Variants in PRR14L observed in about 807,000 individuals in gnomAD.
The protein encoded by PRR14L is protein PRR14L.
PRR14L carries 80 observed loss-of-function variants against 155.0 expected under a neutral mutation model. The observed-to-expected ratio is 0.52, with a 90% CI of 0.43 to 0.62. PRR14L has a LOEUF of 0.62. Among genes scored for constraint, PRR14L ranks in the 20% least tolerant of loss-of-function variants. PRR14L has a pLI of 0.00. For synonymous variants in PRR14L, 883 were observed against 916.0 expected (o/e 0.96, Z 0.65); for missense variants, 2,469 against 2,548.0 (o/e 0.97, Z 0.67).
chr22:31,694,751 C>CAACAAA (rs988016380), intron 7 of PRR14L, among the ~76,000 whole-genome samples: 1 of 128,886 alleles, frequency 7.8e-6, no homozygotes, highest in Non-Finnish European at 1.7e-5. Flanking sequence ...GACTCCGTCT[C>CAACAAA]AACAAAAACA....
At chr22:31,743,481 T>C (rs890537447) in intron 1 of PRR14L, among the ~76,000 whole-genome samples, 7 of 152,106 alleles carry the variant, frequency 4.6e-5, no homozygotes, top group African/African-American at 1.7e-4. Flanking sequence ...GCATATGAAT[T>C]AAATCTTAAA....
chr22:31,700,135 T>C (rs1192871930), intron 7 of PRR14L, among the ~76,000 whole-genome samples: 3 of 152,174 alleles, frequency 2.0e-5, no homozygotes. Flanking sequence ...CAATCTTTTG[T>C]TTTCCTTAAA....
In PRR14L at chr22:31,715,215, T is replaced by A; in HGVS notation, c.2624A>T (p.Lys875Ile). The A allele has an allele frequency of 6.4e-7, 1 of 1,552,316 alleles. No individual in the cohort carries two copies. Among genetic ancestry groups the A allele is most frequent in the African/African-American group, 1.4e-5 (1 of 73,172 alleles). Residue 875 changes from lysine to isoleucine, a missense_variant, in exon 4 of 9, where the codon AAA becomes ATA. Around this residue, in one of 2 missense-constraint regions of PRR14L, gnomAD observed 2,363 missense variants for 2,371.6 expected, o/e 1.00. Coordinates refer to ENST00000327423, the MANE Select transcript of PRR14L (RefSeq NM_173566.3). ...GSLPGDKIRNKMVAGLLNSGI... is the reference protein window; with the variant it reads ...GSLPGDKIRNIMVAGLLNSGI... Reference sequence around the variant, plus strand: ...ACTATTTAACAAGCCTGCTACCATTTTGTTTCTGATCTTATCTCCTGGAAG... The same window carrying A: ...ACTATTTAACAAGCCTGCTACCATTATGTTTCTGATCTTATCTCCTGGAAG...
chr22:31,720,016 G>GAAC, intron 3 of PRR14L, among the ~76,000 whole-genome samples: 1 of 152,184 alleles, frequency 6.6e-6, no homozygotes, highest in Non-Finnish European at 1.5e-5. Flanking sequence ...GATTATGGGT[G>GAAC]TGACTCACTG....
intron 7 of PRR14L, among the ~76,000 whole-genome samples, chr22:31,694,423 A>C (rs982757741): frequency 6.6e-6 from 1 of 152,116 alleles, no homozygotes; most frequent in Non-Finnish European, 1.5e-5. Context: ...GGAGTTCAAG[A>C]CCAGCCTGAC....
chr22:31,687,313 G>A (rs2031407869), intron 8 of PRR14L, among the ~76,000 whole-genome samples: 2 of 150,766 alleles, frequency 1.3e-5, no homozygotes, highest in African/African-American at 2.4e-5. Flanking sequence ...TTGAATTACA[G>A]GTGTCAGCCA....
At chr22:31,708,695 T>C (rs897294506) in intron 4 of PRR14L, among the ~76,000 whole-genome samples, 5 of 152,140 alleles carry the variant, frequency 3.3e-5, no homozygotes, top group East Asian at 1.9e-4. Context: ...GGCTGGAATA[T>C]AGTGGCACGA....
chr22:31,733,830 A>C (rs1197924335), intron 2 of PRR14L, among the ~76,000 whole-genome samples: 1 of 152,066 alleles, frequency 6.6e-6, no homozygotes, highest in African/African-American at 2.4e-5. Context: ...AAGGGAAAAA[A>C]GTGGTATCTC....
intron 7 of PRR14L, among the ~76,000 whole-genome samples, chr22:31,691,571 G>A (rs1181624877): frequency 1.3e-5 from 2 of 152,096 alleles, no homozygotes; most frequent in African/African-American, 4.8e-5. Flanking sequence ...GCAGTCACCT[G>A]GACTCTCCCC....
rs1248493439 is a variant in PRR14L at position 31,712,366 on chromosome 22, C to T, written c.5473G>A (p.Ala1825Thr). The T allele has an allele frequency of 1.2e-6, 2 of 1,612,840 alleles. No homozygotes were observed. The highest frequency in any genetic ancestry group is 2.2e-5 in the South Asian group (2 of 91,004). ...CSVLGLHTLLALCSPGCYRIW... is the reference protein window; with the variant it reads ...CSVLGLHTLLTLCSPGCYRIW... ...CGGTAACATCCTGGGGAACAAAGTG[C>T]TAGAAGTGTGTGAAGGCCAAGGACA... The change falls in exon 4 of 9, where the codon GCA becomes ACA. Residue 1825 changes from alanine to threonine, a missense_variant. This residue lies in a region of PRR14L where 2,363 missense variants were observed against 2,371.6 expected (regional missense o/e 1.00). Transcript: ENST00000327423.
In PRR14L at chr22:31,684,700, A is replaced by G. The variant is rs998128342; in HGVS notation, c.*827T>C. 1 of 152,224 alleles carries G rather than the reference A, an allele frequency of 6.6e-6. No homozygotes were observed. The highest frequency in any genetic ancestry group is 2.4e-5 in the African/African-American group (1 of 41,454). The allele number at this position is 152,224 out of a possible 1,614,324, so 9.4% of individuals were successfully genotyped here. On this transcript the variant is annotated 3_prime_UTR_variant, in exon 9 of 9. Transcript: ENST00000327423. The stretch of plus-strand genomic sequence containing the variant: ...AAATGTCTCTTCCATGCAGCGATCA[A>G]CTGGGTCAAATGCCTATCATGTATT...
At chr22:31,704,811 CAT>C (rs1376927301) in intron 4 of PRR14L, 85 bp from the exon 5 acceptor site, 4 of 940,568 alleles carry the variant, frequency 4.3e-6, no homozygotes, top group East Asian at 2.5e-5. Context: ...GGTATTAGCA[CAT>C]GATAGCCCCA....
At chr22:31,727,386 G>A (rs150035818) in intron 2 of PRR14L, among the ~76,000 whole-genome samples, 55 of 151,596 alleles carry the variant, frequency 3.6e-4, no homozygotes, top group East Asian at 1.2e-3. Context: ...GGTGCACGCC[G>A]CCACACCTGG....
At position 31,727,158 on chromosome 22, in the gene PRR14L, G is replaced by A. The variant is rs532719428; in HGVS notation, c.475-1548C>T. The stretch of plus-strand genomic sequence containing the variant: ...TGTGGCTCTAAGGTGCCGCTAGCTG[G>A]AGGCCCCAAAATACCCTGGTGGAGT... On this transcript the variant is annotated intron_variant, in intron 2 of 8. Transcript: ENST00000327423. Among the ~76,000 whole-genome samples the A allele has an allele frequency of 2.8e-4, 43 of 152,230 alleles. No homozygotes were observed. In the South Asian group the frequency reaches 8.7e-3, roughly 31 times the overall value.
intron 2 of PRR14L, among the ~76,000 whole-genome samples, chr22:31,728,020 T>C (rs1394588452): frequency 6.7e-6 from 1 of 148,198 alleles, no homozygotes; most frequent in Non-Finnish European, 1.5e-5. Context: ...CAATCGACAA[T>C]AAAAGAGTGT....
chr22:31,739,056 G>A (rs768412649), intron 1 of PRR14L, 145 bp from the exon 2 acceptor site: 6 of 536,950 alleles, frequency 1.1e-5, no homozygotes, highest in Non-Finnish European at 2.0e-5. Context: ...TCTCCTTAAT[G>A]AATTTGTAGA....
intron 7 of PRR14L, among the ~76,000 whole-genome samples, chr22:31,694,717 A>G (rs773117502): frequency 6.6e-6 from 1 of 151,534 alleles, no homozygotes; most frequent in Non-Finnish European, 1.5e-5. Context: ...GGGCCACTGC[A>G]CTCCAGCCTG....
chr22:31,701,056 C>T lies in PRR14L; in HGVS notation c.6107+600G>A, dbSNP rs565479226. Among the ~76,000 whole-genome samples the T allele has an allele frequency of 5.9e-5, 9 of 151,418 alleles. No individual in the cohort carries two copies. The South Asian group carries it at 1.3e-3, about 21-fold the overall frequency. ...AGGCTGGAGTGCAATGGTGCGATCT[C>T]GGCTCACCACAACCTCCACCTCCCA... On this transcript the variant is annotated intron_variant, in intron 7 of 8. Coordinates refer to ENST00000327423, the MANE Select transcript of PRR14L (RefSeq NM_173566.3).
At chr22:31,708,585 C>G (rs1322596827) in intron 4 of PRR14L, among the ~76,000 whole-genome samples, 7 of 151,952 alleles carry the variant, frequency 4.6e-5, no homozygotes, top group Non-Finnish European at 8.8e-5. Context: ...CCTTGGCCTC[C>G]CAAAGCGCTG....
Sources: allele counts gnomAD v4.1 joint callset (sites outside exome capture counted in the v4.1 genomes callset), GRCh38; gene constraint gnomAD v4.1.1; regional missense constraint gnomAD v4.1.1; transcripts MANE v1.5; gene names NCBI Gene and HGNC (gene_info 2026-07-23, HGNC 2026-07-21).